ACOT7: variants seen among roughly 807,000 people sequenced by gnomAD.
ACOT7 encodes cytosolic acyl coenzyme A thioester hydrolase.
A neutral mutation model predicts 40.2 loss-of-function variants in ACOT7; 12 were observed. That is an observed-to-expected ratio of 0.30 (90% CI 0.19 to 0.48). The LOEUF (loss-of-function observed/expected upper bound fraction) is 0.48, where lower values mean the gene tolerates loss of function less well. Ranked by LOEUF, ACOT7 falls within the 20% of genes least tolerant of loss-of-function variation. The pLI is 0.99. For synonymous variants in ACOT7, 228 were observed against 219.5 expected (o/e 1.04, Z -0.34); for missense variants, 395 against 530.8 (o/e 0.74, Z 2.51).
chr1:6,282,857 G>A lies in ACOT7; in HGVS notation c.830-1571C>T. The stretch of plus-strand genomic sequence containing the variant: ...GTCACAAGACGCACCCCGGGAGGAG[G>A]GCAGGCCATGGGTCAGGCCCCAGCT... On this transcript the variant is annotated intron_variant, in intron 7 of 8. Transcript: ENST00000361521. The surrounding 1 kb of genome is among the most constrained non-coding windows in gnomAD (Gnocchi z 4.5). 2 of 1,205,438 alleles carry A rather than the reference G, an allele frequency of 1.7e-6. No homozygotes were observed. The highest frequency in any genetic ancestry group is 2.2e-6 in the Non-Finnish European group (2 of 898,966). 74.7% of individuals were successfully genotyped at this position (1,205,438 alleles called of 1,614,324 possible).
intron 7 of ACOT7, among the ~76,000 whole-genome samples, chr1:6,285,508 C>T (rs1344518842): frequency 6.6e-6 from 1 of 152,240 alleles, no homozygotes; most frequent in Non-Finnish European, 1.5e-5. Flanking sequence ...GCCCTTCCTG[C>T]TAATTCCTCC....
intron 1 of ACOT7, among the ~76,000 whole-genome samples, chr1:6,375,244 C>G (rs577247250): frequency 7.5e-6 from 1 of 132,736 alleles, no homozygotes; most frequent in South Asian, 2.4e-4. Context: ...GCCTGGGCGA[C>G]AGAGCGAGAC....
chr1:6,357,960 G>C (rs530928101), intron 1 of ACOT7, among the ~76,000 whole-genome samples: 2 of 151,228 alleles, frequency 1.3e-5, no homozygotes, highest in African/African-American at 4.9e-5. Flanking sequence ...TCCACCTCCC[G>C]GGTTCAAGTG....
At chr1:6,264,802 AC>A in intron 8 of ACOT7, 107 bp from the exon 9 acceptor site, 1 of 1,174,224 alleles carries the variant, frequency 8.5e-7, no homozygotes, top group Non-Finnish European at 1.2e-6. Context: ...GATCTGCCCC[AC>A]CCCTGGTGCA....
chr1:6,324,259 T>C (rs575942682), intron 5 of ACOT7, among the ~76,000 whole-genome samples: 1 of 152,146 alleles, frequency 6.6e-6, no homozygotes, highest in South Asian at 2.1e-4. Context: ...CAAGAAAGAA[T>C]GGACATGGGA....
chr1:6,373,604 C>A (rs1240370317), intron 1 of ACOT7, among the ~76,000 whole-genome samples: 1 of 151,932 alleles, frequency 6.6e-6, no homozygotes, highest in Non-Finnish European at 1.5e-5. Flanking sequence ...GTGGCTCACG[C>A]CTATAATCCC....
chr1:6,305,988 A>C (rs1056965766), intron 6 of ACOT7, among the ~76,000 whole-genome samples: 1 of 151,984 alleles, frequency 6.6e-6, no homozygotes, highest in Non-Finnish European at 1.5e-5. Context: ...GGAGCTGGAG[A>C]CCAGCCCGGC....
At chr1:6,391,460 C>T (rs1016556276) in intron 1 of ACOT7, among the ~76,000 whole-genome samples, 18 of 152,112 alleles carry the variant, frequency 1.2e-4, no homozygotes, top group Non-Finnish European at 1.9e-4. Context: ...GAGCTGAGAT[C>T]GGGCCACTGC....
intron 8 of ACOT7, among the ~76,000 whole-genome samples, chr1:6,272,536 CAGGTGGGG>C (rs1476884175): frequency 2.0e-5 from 3 of 152,224 alleles, no homozygotes; most frequent in African/African-American, 7.2e-5. Context: ...CCTGCACACA[CAGGTGGGG>C]AGGGCTCTGC....
At chr1:6,379,580 C>T (rs1642297405) in intron 1 of ACOT7, among the ~76,000 whole-genome samples, 1 of 151,732 alleles carries the variant, frequency 6.6e-6, no homozygotes, top group South Asian at 2.1e-4. Flanking sequence ...CCTCTCACCT[C>T]AGCCTCCCAA....
rs1452304944 is a variant in ACOT7, at chr1:6,358,648, G to A, written c.144-8782C>T. Among the ~76,000 whole-genome samples, 1 of 152,206 alleles carries A rather than the reference G, an allele frequency of 6.6e-6. No homozygotes were observed. The highest frequency in any genetic ancestry group is 1.5e-5 in the Non-Finnish European group (1 of 68,020). On this transcript the variant is annotated intron_variant, in intron 1 of 8. Coordinates refer to ENST00000361521, the MANE Select transcript of ACOT7 (RefSeq NM_007274.4). This position sits in a 1 kb window ranked among gnomAD's most constrained non-coding sequence, Gnocchi z 4.1. ...TTCGGCTGACCACCTAATCTTGGGG[G>A]TCAGTAAGAGCCAGGCCAGGTGGGT... is the stretch of plus-strand genomic sequence containing the variant.
At chr1:6,327,708 C>T (rs910560030) in intron 4 of ACOT7, among the ~76,000 whole-genome samples, 3 of 152,072 alleles carry the variant, frequency 2.0e-5, no homozygotes, top group Admixed American at 6.6e-5. Flanking sequence ...TAAAAGCAAC[C>T]GTGTATCTAT....
Position 6,289,270 on chromosome 1 carries a change from T to C in ACOT7, c.829+5594A>G, listed in dbSNP as rs1639599977. The stretch of plus-strand genomic sequence containing the variant: ...GCCTGCCCCCACGCCCGGCTAATTT[T>C]TGTATTTTTAGTAGAGACGGGGTTT... On this transcript the variant is annotated intron_variant, in intron 7 of 8. Coordinates refer to ENST00000361521, the MANE Select transcript of ACOT7 (RefSeq NM_007274.4). This position sits in a 1 kb window ranked among gnomAD's most constrained non-coding sequence, Gnocchi z 4.6. Among the ~76,000 whole-genome samples, 1 of 152,128 alleles carries C rather than the reference T, an allele frequency of 6.6e-6. No individual in the cohort carries two copies. Among genetic ancestry groups the C allele is most frequent in the African/African-American group, 2.4e-5 (1 of 41,422 alleles).
chr1:6,286,503 G>A (rs1639507846), intron 7 of ACOT7, among the ~76,000 whole-genome samples: 3 of 152,202 alleles, frequency 2.0e-5, no homozygotes, highest in Admixed American at 1.3e-4. Flanking sequence ...AGCCATGCGG[G>A]AGGAGCCCTG....
At chr1:6,387,468 C>T (rs1474495929) in intron 1 of ACOT7, among the ~76,000 whole-genome samples, 1 of 152,212 alleles carries the variant, frequency 6.6e-6, no homozygotes, top group Non-Finnish European at 1.5e-5. Context: ...GTACTGTTCA[C>T]ATGCAGAAAA....
In ACOT7 at chr1:6,265,511, C is replaced by G. The variant is rs373183922; in HGVS notation, c.1015-816G>C. Among the ~76,000 whole-genome samples the G allele has an allele frequency of 2.9e-4, 44 of 152,342 alleles. 2 individuals are homozygous for G. The South Asian group carries it at 8.5e-3, about 29-fold the overall frequency. On this transcript the variant is annotated intron_variant, in intron 8 of 8. Transcript: ENST00000361521. The stretch of plus-strand genomic sequence containing the variant: ...CCATCTCATTGGTCTGGGGGCAGAG[C>G]CAACTGAACAGGTGGGATTTGGCCC...
At chr1:6,279,034 G>A (rs922719165) in intron 8 of ACOT7, among the ~76,000 whole-genome samples, 6 of 152,240 alleles carry the variant, frequency 3.9e-5, no homozygotes, top group African/African-American at 1.2e-4. Flanking sequence ...CAGCAGCCAC[G>A]CTGAAAAGCG....
chr1:6,384,928 G>A (rs1642410186), intron 1 of ACOT7, among the ~76,000 whole-genome samples: 1 of 151,948 alleles, frequency 6.6e-6, no homozygotes, highest in Non-Finnish European at 1.5e-5. Flanking sequence ...TGTATGGCAT[G>A]TGAACTATAA....
At chr1:6,321,532 T>C (rs1245708388) in intron 5 of ACOT7, among the ~76,000 whole-genome samples, 2 of 152,234 alleles carry the variant, frequency 1.3e-5, no homozygotes, top group Non-Finnish European at 2.9e-5. Context: ...TTTTCTTTTT[T>C]GAGACGGAGT....
Sources: gnomAD v4.1 joint callset for allele counts (sites outside exome capture counted in the v4.1 genomes callset) on GRCh38, gnomAD v4.1.1 for gene constraint, Gnocchi (gnomAD v3.1) non-coding constraint, MANE v1.5 for transcripts, NCBI Gene and HGNC (gene_info 2026-07-23, HGNC 2026-07-21) for gene names.